The following HDAC4 variants were observed in gnomAD, a reference collection of about 807,000 sequenced individuals.
HDAC4 encodes the protein histone deacetylase A.
Under a neutral mutation model 135.1 loss-of-function variants are expected in HDAC4, and 16 were observed. That is an observed-to-expected ratio of 0.12 (90% confidence interval 0.08 to 0.18). HDAC4 has a LOEUF of 0.18. Among genes scored for constraint, HDAC4 ranks in the 10% least tolerant of loss-of-function variants. The probability of loss-of-function intolerance (pLI) is 1.00; values close to 1 mark genes in which losing one functional copy is unlikely to be tolerated. For missense variants in HDAC4, 1,143 were observed against 1,511.8 expected, an observed-to-expected ratio of 0.76 and a Z score of 4.05; for synonymous variants, 685 against 653.4, an observed-to-expected ratio of 1.05 and a Z score of -0.74.
chr2:239,084,603 A>C (rs1357690391), intron 19 of HDAC4, among the ~76,000 whole-genome samples: 5 of 147,810 alleles, frequency 3.4e-5, no homozygotes, highest in South Asian at 2.2e-4. Context: ...ACACACACAC[A>C]CCCCCCACAG....
chr2:239,140,837 G>A (rs2041314552), intron 8 of HDAC4: 1 of 398,754 alleles, frequency 2.5e-6, no homozygotes, highest in Non-Finnish European at 5.4e-6. Context: ...GCGTCCTCCT[G>A]GAGCCCACGA....
chr2:239,229,258 C>T (rs1048696347), intron 3 of HDAC4, among the ~76,000 whole-genome samples: 1 of 152,216 alleles, frequency 6.6e-6, no homozygotes, highest in Admixed American at 6.5e-5. Flanking sequence ...TAATTGTACA[C>T]GACACACACA....
In HDAC4 at chr2:239,318,727, T is replaced by C. The variant is rs575477117; in HGVS notation, c.22+33951A>G. On this transcript the variant is annotated intron_variant, in intron 2 of 26. Coordinates refer to ENST00000543185, the MANE Select transcript of HDAC4 (RefSeq NM_001378414.1). Reference sequence around the variant, plus strand: ...ATGCATATCAATAAACAGTAATTCTTTGGACTATTTTTTGCTGATTTTCTG... The same window carrying C: ...ATGCATATCAATAAACAGTAATTCTCTGGACTATTTTTTGCTGATTTTCTG... 3.9e-5 allele frequency among the ~76,000 whole-genome samples: 6 copies of C among 152,270 alleles called. No individual in the cohort carries two copies. In the East Asian group the frequency reaches 1.2e-3, roughly 29 times the overall value.
intron 2 of HDAC4, among the ~76,000 whole-genome samples, chr2:239,243,238 C>T (rs577040187): frequency 1.1e-4 from 17 of 152,018 alleles, no homozygotes; most frequent in East Asian, 9.7e-4. Context: ...CTGCAAGCTC[C>T]GCCTCCCAGG....
At chr2:239,078,981 C>T (rs758101304) in intron 22 of HDAC4, among the ~76,000 whole-genome samples, 27 of 152,228 alleles carry the variant, frequency 1.8e-4, no homozygotes, top group South Asian at 4.1e-4. Context: ...CTGGGTCCCC[C>T]GGGTGGCACC....
intron 5 of HDAC4, among the ~76,000 whole-genome samples, chr2:239,170,021 T>C (rs1281433524): frequency 1.3e-5 from 2 of 152,368 alleles, no homozygotes; most frequent in South Asian, 2.1e-4. Context: ...CTTGAAATTC[T>C]ACCAGTTAAA....
intron 3 of HDAC4, among the ~76,000 whole-genome samples, chr2:239,227,471 C>T (rs1265205493): frequency 6.6e-6 from 1 of 152,184 alleles, no homozygotes; most frequent in East Asian, 1.9e-4. Context: ...ACCCTGCATG[C>T]CCCTGCAGGT....
chr2:239,137,218 C>T (rs1011732316), intron 9 of HDAC4, among the ~76,000 whole-genome samples: 3 of 152,358 alleles, frequency 2.0e-5, no homozygotes, highest in African/African-American at 4.8e-5. Context: ...TCTGCTGCCT[C>T]GGGGCCGAGC....
chr2:239,398,884 C>CT (rs1285996862), intron 1 of HDAC4, among the ~76,000 whole-genome samples: 1 of 152,246 alleles, frequency 6.6e-6, no homozygotes, highest in Non-Finnish European at 1.5e-5. Flanking sequence ...AGAAAGAACC[C>CT]TAAAGAGGGC....
rs1211308301 is a variant in HDAC4 at position 239,134,279 on chromosome 2, C to T, written c.1260G>A (p.Leu420=). 1 of 1,613,066 alleles carries T rather than the reference C, an allele frequency of 6.2e-7. No homozygotes were observed. The highest frequency in any genetic ancestry group is 8.5e-7 in the Non-Finnish European group (1 of 1,180,032). Residue 420 remains leucine, a synonymous_variant, in exon 11 of 27, where the codon CTG becomes CTA. Coordinates refer to ENST00000543185, the MANE Select transcript of HDAC4 (RefSeq NM_001378414.1). ...HSPLLQHMVL[L]EQPPAQAPLV... The stretch of plus-strand genomic sequence containing the variant: ...GGGGTGCTTGTGCCGGCGGCTGCTC[C>T]AGTAAGACCATGTGCTGCAGAAGAG...
Position 239,189,856 on chromosome 2 carries a change from C to T in HDAC4, c.316G>A (p.Ala106Thr). Residue 106 changes from alanine (A) to threonine (T), a missense_variant, in exon 4 of 27, where the codon GCG becomes ACG. By Grantham distance (58) the Ala-to-Thr change is moderately conservative. Around this residue, in one of 9 missense-constraint regions of HDAC4, gnomAD observed 247 missense variants for 310.0 expected, o/e 0.80. Coordinates refer to ENST00000543185, the MANE Select transcript of HDAC4 (RefSeq NM_001378414.1). ...QHEQLSRQHE[A>T]QLHEHIKQQQ... ...ACCTTGATGTGCTCGTGGAGCTGCG[C>T]CTCGTGCTGCCGGGAGAGCTGCTCG... The T allele has an allele frequency of 6.2e-7, 1 of 1,608,680 alleles. No individual in the cohort carries two copies. The highest frequency in any genetic ancestry group is 8.5e-7 in the Non-Finnish European group (1 of 1,179,772).
intron 17 of HDAC4, chr2:239,093,811 C>T (rs1045959475): frequency 9.1e-5 from 36 of 396,236 alleles, no homozygotes; most frequent in Admixed American, 3.2e-4. Context: ...CTTGCACAGG[C>T]GTGCTGGCTG....
chr2:239,238,451 T>G (rs2153185225), intron 2 of HDAC4, among the ~76,000 whole-genome samples: 1 of 152,260 alleles, frequency 6.6e-6, no homozygotes, highest in East Asian at 1.9e-4. Flanking sequence ...GGGACCACCC[T>G]GGTCAGGGTT....
At chr2:239,220,702 C>T (rs531648445) in intron 3 of HDAC4, among the ~76,000 whole-genome samples, 11 of 152,174 alleles carry the variant, frequency 7.2e-5, no homozygotes, top group African/African-American at 1.4e-4. Context: ...GCTTCATCTA[C>T]GAACATCCAT....
chr2:239,282,902 C>T lies in HDAC4; in HGVS notation c.23-46238G>A, dbSNP rs542991257. On this transcript the variant is annotated intron_variant, in intron 2 of 26. Coordinates refer to ENST00000543185, the MANE Select transcript of HDAC4 (RefSeq NM_001378414.1). ...TGTACATACCACTCTACAATGAACACACCACTCTACACACAATGTACACAC... is the reference window on the plus strand; with the variant it reads ...TGTACATACCACTCTACAATGAACATACCACTCTACACACAATGTACACAC... Among the ~76,000 whole-genome samples, 14 of 151,524 alleles carry T rather than the reference C, an allele frequency of 9.2e-5. No homozygotes were observed. The East Asian group carries it at 2.7e-3, about 30-fold the overall frequency.
At chr2:239,196,948 G>A (rs1170695672) in intron 3 of HDAC4, among the ~76,000 whole-genome samples, 1 of 152,210 alleles carries the variant, frequency 6.6e-6, no homozygotes, top group African/African-American at 2.4e-5. Context: ...CTCCGAAGCT[G>A]TGCCACTCAC....
chr2:239,278,305 A>AC (rs757898795), intron 2 of HDAC4, among the ~76,000 whole-genome samples: 43 of 152,188 alleles, frequency 2.8e-4, no homozygotes, highest in Non-Finnish European at 5.0e-4. Flanking sequence ...TATTTTCTAC[A>AC]AGGCCACAGA....
chr2:239,172,808 T>C (rs1051314673), intron 5 of HDAC4, among the ~76,000 whole-genome samples: 3 of 151,784 alleles, frequency 2.0e-5, no homozygotes, highest in African/African-American at 7.3e-5. Flanking sequence ...AACCAATATC[T>C]GGAGTGTAAA....
chr2:239,179,577 T>A (rs926208190), intron 4 of HDAC4, among the ~76,000 whole-genome samples: 3 of 152,104 alleles, frequency 2.0e-5, no homozygotes, highest in African/African-American at 7.2e-5. Flanking sequence ...GAAAAAACCA[T>A]CTTCCACGAA....
Sources: gnomAD v4.1 joint callset for allele counts (sites outside exome capture counted in the v4.1 genomes callset) on GRCh38, gnomAD v4.1.1 for gene constraint, gnomAD v4.1.1 regional missense constraint, MANE v1.5 for transcripts, NCBI Gene and HGNC (gene_info 2026-07-23, HGNC 2026-07-21) for gene names.